Variants in HNRNPA1L2 observed in about 807,000 individuals in gnomAD.
The protein encoded by HNRNPA1L2 is heterogeneous nuclear ribonucleoprotein A1-like 2.
A neutral mutation model predicts 18.2 loss-of-function variants in HNRNPA1L2; 10 were observed. That is an observed-to-expected ratio of 0.55 (90% CI 0.34 to 0.93). The LOEUF (loss-of-function observed/expected upper bound fraction) is 0.93, where lower values mean the gene tolerates loss of function less well. HNRNPA1L2 is among the 40% of genes least tolerant of loss of function. HNRNPA1L2 has a pLI of 0.02. For synonymous variants in HNRNPA1L2, 124 were observed against 138.6 expected (o/e 0.89, Z 0.74); for missense variants, 308 against 394.4 (o/e 0.78, Z 1.85).
the HNRNPA1L2 span, among the ~76,000 whole-genome samples, chr13:52,621,187 G>T: frequency 6.6e-6 from 1 of 152,134 alleles, no homozygotes; most frequent in Non-Finnish European, 1.5e-5. Context: ...GACATCTTTT[G>T]CATGAGTCTA....
At chr13:52,623,023 T>C in the HNRNPA1L2 span, among the ~76,000 whole-genome samples, 1 of 152,182 alleles carries the variant, frequency 6.6e-6, no homozygotes, top group East Asian at 1.9e-4. Context: ...TGGAACTTCT[T>C]GGTTTCTACA....
the HNRNPA1L2 span, among the ~76,000 whole-genome samples, chr13:52,624,838 G>C: frequency 6.6e-6 from 1 of 152,074 alleles, no homozygotes; most frequent in African/African-American, 2.4e-5. Flanking sequence ...AGACCTACCT[G>C]ATCGACATGG....
the HNRNPA1L2 span, among the ~76,000 whole-genome samples, chr13:52,628,990 C>T: frequency 6.6e-6 from 1 of 152,106 alleles, no homozygotes; most frequent in South Asian, 2.1e-4. Context: ...ATTCTCCTGC[C>T]TCAGCCTCCC....
chr13:52,634,446 C>G, the HNRNPA1L2 span, among the ~76,000 whole-genome samples: 22 of 152,154 alleles, frequency 1.4e-4, no homozygotes, highest in African/African-American at 5.3e-4. Flanking sequence ...AAGTAGCACA[C>G]AAATTTATGT....
chr13:52,620,733 G>C, the HNRNPA1L2 span, among the ~76,000 whole-genome samples: 1 of 152,090 alleles, frequency 6.6e-6, no homozygotes, highest in African/African-American at 2.4e-5. Flanking sequence ...TGCAACATGG[G>C]AAACCCATTT....
chr13:52,619,294 A>G, the HNRNPA1L2 span, among the ~76,000 whole-genome samples: 4 of 150,736 alleles, frequency 2.7e-5, no homozygotes, highest in East Asian at 7.9e-4. Flanking sequence ...CGCCCGGCCA[A>G]CTTTATTTAT....
chr13:52,623,562 A>G, the HNRNPA1L2 span, among the ~76,000 whole-genome samples: 70,037 of 151,274 alleles, frequency 0.46, 16,292 homozygotes, highest in Admixed American at 0.51. Flanking sequence ...ACTGGTGAAC[A>G]AGGTGCATCT....
the HNRNPA1L2 span, among the ~76,000 whole-genome samples, chr13:52,618,698 C>G: frequency 6.6e-6 from 1 of 152,088 alleles, no homozygotes; most frequent in Admixed American, 6.6e-5. Context: ...CTGTTTATGT[C>G]AGGGGGCATT....
chr13:52,635,476 A>G, the HNRNPA1L2 span, among the ~76,000 whole-genome samples: 3 of 152,036 alleles, frequency 2.0e-5, no homozygotes, highest in Non-Finnish European at 2.9e-5. Flanking sequence ...TGTGCAAGGA[A>G]CTGCACACAT....
chr13:52,637,645 A>T (rs551868333), upstream of HNRNPA1L2, among the ~76,000 whole-genome samples: 1 of 152,322 alleles, frequency 6.6e-6, no homozygotes, highest in Admixed American at 6.5e-5. Context: ...AATTTTGAAT[A>T]TACTTTCTTA....
chr13:52,639,659 T>G (rs1205223386), upstream of HNRNPA1L2, among the ~76,000 whole-genome samples: 1 of 149,562 alleles, frequency 6.7e-6, no homozygotes, highest in Non-Finnish European at 1.5e-5. Context: ...TTCTCTCGTT[T>G]TGTGTGTTCT....
chr13:52,618,517 G>C, the HNRNPA1L2 span, among the ~76,000 whole-genome samples: 5,479 of 152,276 alleles, frequency 0.036, 130 homozygotes, highest in South Asian at 0.07. Context: ...TGCCCAGGTA[G>C]AATTAAGGGG....
the HNRNPA1L2 span, among the ~76,000 whole-genome samples, chr13:52,622,579 G>A: frequency 1.3e-5 from 2 of 152,142 alleles, no homozygotes; most frequent in African/African-American, 4.8e-5. Context: ...TCTTTAAGCT[G>A]TTAATTAACA....
upstream of HNRNPA1L2, among the ~76,000 whole-genome samples, chr13:52,638,738 C>T (rs893720106): frequency 6.6e-6 from 1 of 152,152 alleles, no homozygotes; most frequent in Non-Finnish European, 1.5e-5. Flanking sequence ...AGCTAACCTG[C>T]TTTATAAAAT....
upstream of HNRNPA1L2, among the ~76,000 whole-genome samples, chr13:52,639,904 T>TG (rs1961600520): frequency 7.1e-6 from 1 of 140,676 alleles, no homozygotes. Flanking sequence ...TTGTTTTTTT[T>TG]TTTTTGAGAT....
At chr13:52,619,426 C>T in the HNRNPA1L2 span, among the ~76,000 whole-genome samples, 21 of 152,320 alleles carry the variant, frequency 1.4e-4, no homozygotes, top group African/African-American at 5.0e-4. Context: ...GATTCTTGTG[C>T]CTCAGCCTCC....
the HNRNPA1L2 span, chr13:52,637,429 C>T: frequency 1.5e-5 from 4 of 261,198 alleles, no homozygotes; most frequent in Non-Finnish European, 3.0e-5. Flanking sequence ...TGAGAGTTCC[C>T]AATTAATAAT....
At position 52,643,649 on chromosome 13, in the gene HNRNPA1L2, A is replaced by G. The variant is rs1462595497; in HGVS notation, c.*194A>G. ...CTGTATTTGTGACTAATTGTATAAC[A>G]GGTTATTTTAGTTTCTGTTCTGTGG... On this transcript the variant is annotated 3_prime_UTR_variant, in exon 1 of 1. Transcript: ENST00000357495. The G allele has an allele frequency of 6.6e-6, 4 of 610,384 alleles. No individual in the cohort carries two copies. Among genetic ancestry groups the G allele is most frequent in the African/African-American group, 5.5e-5 (3 of 54,090 alleles). 37.8% of individuals were successfully genotyped at this position (610,384 alleles called of 1,614,324 possible). A position where few individuals can be genotyped will look rare whatever the true frequency, so the allele number is the denominator to read the frequency against.
At position 52,642,696 on chromosome 13, in the gene HNRNPA1L2, G is replaced by A. The variant is rs1285285251; in HGVS notation, c.204G>A (p.Val68=). 2 of 1,607,716 alleles carry A rather than the reference G, an allele frequency of 1.2e-6. No homozygotes were observed. The highest frequency in any genetic ancestry group is 1.7e-6 in the Non-Finnish European group (2 of 1,179,824). Residue 68 remains valine (V), a synonymous_variant, in exon 1 of 1, where the codon GTG becomes GTA. Coordinates refer to ENST00000357495, the MANE Select transcript of HNRNPA1L2 (RefSeq NM_001389320.1). ...TCACATATGCCACTGTGGAGGAGGT[G>A]GATGCAGCTATGAATACAACGCCAC... ...GFVTYATVEE[V]DAAMNTTPHK...
Sources: gnomAD v4.1 joint callset for allele counts (sites outside exome capture counted in the v4.1 genomes callset) on GRCh38, gnomAD v4.1.1 for gene constraint, MANE v1.5 for transcripts, NCBI Gene and HGNC (gene_info 2026-07-23, HGNC 2026-07-21) for gene names.